The following NCALD variants were observed in gnomAD, a reference collection of about 807,000 sequenced individuals.
NCALD encodes neurocalcin-delta.
Under a neutral mutation model 18.6 loss-of-function variants are expected in NCALD, and 10 were observed. The ratio of observed to expected loss-of-function variants is 0.54; its 90% CI spans 0.33 to 0.91. NCALD has a LOEUF of 0.91. Among genes scored for constraint, NCALD ranks in the 40% least tolerant of loss-of-function variants. The probability of loss-of-function intolerance (pLI) is 0.03; values close to 1 mark genes in which losing one functional copy is unlikely to be tolerated. For missense variants in NCALD, 184 were observed against 247.6 expected, an observed-to-expected ratio of 0.74 and a Z score of 1.72; for synonymous variants, 88 against 87.4, an observed-to-expected ratio of 1.01 and a Z score of -0.04.
intron 2 of NCALD, among the ~76,000 whole-genome samples, chr8:101,957,451 A>C (rs1226652648): frequency 6.6e-6 from 1 of 151,966 alleles, no homozygotes; most frequent in Non-Finnish European, 1.5e-5. Context: ...TGAACTTAGC[A>C]TCCTGATGCC....
intron 4 of NCALD, among the ~76,000 whole-genome samples, chr8:101,815,512 C>G (rs890511247): frequency 6.6e-6 from 1 of 152,070 alleles, no homozygotes; most frequent in Non-Finnish European, 1.5e-5. Context: ...AGATATCTCA[C>G]CAAACAAGAT....
intron 1 of NCALD, among the ~76,000 whole-genome samples, chr8:102,116,487 G>GTT (rs1825791447): frequency 1.3e-5 from 2 of 151,870 alleles, no homozygotes; most frequent in Admixed American, 1.3e-4. Flanking sequence ...GTAGGGTGGT[G>GTT]GTGTTGTTGT....
chr8:101,814,261 C>T (rs1284799809), intron 4 of NCALD, among the ~76,000 whole-genome samples: 1 of 151,970 alleles, frequency 6.6e-6, no homozygotes, highest in African/African-American at 2.4e-5. Flanking sequence ...AAAAAATTAG[C>T]AAATTGAATC....
chr8:101,973,088 AGGGCCAGCAC>A (rs925461051), intron 2 of NCALD, among the ~76,000 whole-genome samples: 145 of 152,302 alleles, frequency 9.5e-4, no homozygotes, highest in Middle Eastern at 3.4e-3. Context: ...GCAGGAGGCC[AGGGCCAGCAC>A]TCTAACAAGG....
chr8:101,872,427 C>A (rs1340585354), intron 4 of NCALD: 2 of 1,180,420 alleles, frequency 1.7e-6, no homozygotes, highest in African/African-American at 3.0e-5. Context: ...CCACTGACTG[C>A]TGAAGGATGT....
chr8:101,784,704 G>C (rs918296496), intron 1 of NCALD, among the ~76,000 whole-genome samples: 1 of 152,188 alleles, frequency 6.6e-6, no homozygotes, highest in African/African-American at 2.4e-5. Flanking sequence ...AAGCAGCTGA[G>C]GTGGGATGAT....
intron 2 of NCALD, among the ~76,000 whole-genome samples, chr8:101,716,894 A>G (rs926055873): frequency 6.6e-6 from 1 of 152,204 alleles, no homozygotes; most frequent in African/African-American, 2.4e-5. Flanking sequence ...GCCTTTGAAG[A>G]TGGATGAAGA....
intron 2 of NCALD, among the ~76,000 whole-genome samples, chr8:101,986,009 G>A (rs1429547010): frequency 2.6e-5 from 4 of 151,884 alleles, no homozygotes; most frequent in African/African-American, 9.7e-5. Context: ...ACTCAATCCA[G>A]TTTTCTTTCT....
chr8:101,778,717 C>A (rs1353579810), intron 1 of NCALD, among the ~76,000 whole-genome samples: 1 of 151,984 alleles, frequency 6.6e-6, no homozygotes, highest in African/African-American at 2.4e-5. Context: ...ATCCAAGAGA[C>A]CTAACATCTC....
chr8:101,702,083 C>A (rs758504110), intron 2 of NCALD, among the ~76,000 whole-genome samples: 15 of 152,102 alleles, frequency 9.9e-5, no homozygotes, highest in Non-Finnish European at 1.8e-4. Flanking sequence ...GCAGGAGCCC[C>A]ACGCCTTTTC....
At chr8:101,753,175 G>A (rs934129145) in intron 1 of NCALD, among the ~76,000 whole-genome samples, 1 of 152,254 alleles carries the variant, frequency 6.6e-6, no homozygotes, top group East Asian at 1.9e-4. Context: ...GGTTGCATCC[G>A]AATTGAGTCT....
chr8:101,723,337 C>G (rs189624428), intron 1 of NCALD, among the ~76,000 whole-genome samples: 2 of 152,088 alleles, frequency 1.3e-5, no homozygotes, highest in African/African-American at 4.8e-5. Flanking sequence ...AGACTTATTG[C>G]TTTAAGTAGC....
chr8:101,875,479 G>GT (rs1816192272), intron 4 of NCALD, among the ~76,000 whole-genome samples: 1 of 152,100 alleles, frequency 6.6e-6, no homozygotes, highest in Admixed American at 6.5e-5. Context: ...GGTGCTCCGT[G>GT]TCCCCTGGTT....
intron 3 of NCALD, among the ~76,000 whole-genome samples, chr8:101,912,233 A>G (rs2131610018): frequency 6.6e-6 from 1 of 152,344 alleles, no homozygotes; most frequent in South Asian, 2.1e-4. Flanking sequence ...ATTGGCAGGC[A>G]GAATTTTAAA....
chr8:101,701,788 C>T (rs1008900818), intron 2 of NCALD, among the ~76,000 whole-genome samples: 21 of 152,190 alleles, frequency 1.4e-4, no homozygotes, highest in African/African-American at 4.8e-4. Flanking sequence ...CAGCAGACTA[C>T]GGACAACAGA....
chr8:101,710,856 T>C (rs1815753320), intron 2 of NCALD, among the ~76,000 whole-genome samples: 1 of 152,212 alleles, frequency 6.6e-6, no homozygotes, highest in African/African-American at 2.4e-5. Flanking sequence ...GACTTAAACA[T>C]TCCTGCCTGA....
intron 2 of NCALD, among the ~76,000 whole-genome samples, chr8:101,921,756 T>A (rs1289680795): frequency 6.6e-6 from 1 of 152,188 alleles, no homozygotes; most frequent in Non-Finnish European, 1.5e-5. Flanking sequence ...AGATTCTTAA[T>A]TTTTTCCTTA....
intron 4 of NCALD, among the ~76,000 whole-genome samples, chr8:101,827,507 T>C (rs1401308325): frequency 1.3e-5 from 2 of 152,210 alleles, no homozygotes; most frequent in Admixed American, 1.3e-4. Context: ...TCTGCAATTA[T>C]GTGAATTTGA....
Position 101,691,663 on chromosome 8 carries a change from T to C in NCALD, c.484+1128A>G, listed in dbSNP as rs573534926. ...GTGAATCAAAGCAAATAAGGGGACA[T>C]AGGATGTTTCCAAATGGAATGGCAC... is the stretch of plus-strand genomic sequence containing the variant. On this transcript the variant is annotated intron_variant, in intron 3 of 3. Coordinates refer to ENST00000220931, the MANE Select transcript of NCALD (RefSeq NM_032041.3). 5.1e-6 allele frequency: 5 copies of C among 985,380 alleles called. No individual in the cohort carries two copies. In the South Asian group the frequency reaches 1.4e-4, roughly 28 times the overall value. 61.0% of individuals were successfully genotyped at this position (985,380 alleles called of 1,614,324 possible).
Sources: allele counts gnomAD v4.1 joint callset (sites outside exome capture counted in the v4.1 genomes callset), GRCh38; gene constraint gnomAD v4.1.1; transcripts MANE v1.5; gene names NCBI Gene and HGNC (gene_info 2026-07-23, HGNC 2026-07-21).